Variants in RASAL3 observed in about 807,000 individuals in gnomAD.
The protein encoded by RASAL3 is RAS protein activator like-3.
Under a neutral mutation model 105.5 loss-of-function variants are expected in RASAL3, and 74 were observed. The observed-to-expected ratio is 0.70, with a 90% CI of 0.58 to 0.85. The LOEUF (loss-of-function observed/expected upper bound fraction) is 0.85. Among genes scored for constraint, RASAL3 ranks in the 40% least tolerant of loss-of-function variants. The pLI, the probability that RASAL3 is intolerant of heterozygous loss-of-function variation, is 0.00. For missense variants in RASAL3, 1,352 were observed against 1,392.0 expected (o/e 0.97, Z 0.46); for synonymous variants, 579 against 591.6 (o/e 0.98, Z 0.31).
In RASAL3 at chr19:15,460,185, C is replaced by G. The variant is rs1335219934; in HGVS notation, c.662+18G>C. ...CAGTGTTGAACCCCAGCCCCTCCAGCCTCTCATACACCCTTACCCATCCCG... is the reference window on the plus strand; with the variant it reads ...CAGTGTTGAACCCCAGCCCCTCCAGGCTCTCATACACCCTTACCCATCCCG... On this transcript the variant is annotated intron_variant, in intron 6 of 17. Transcript: ENST00000343625. The G allele has an allele frequency of 3.1e-6, 5 of 1,598,264 alleles. No individual in the cohort carries two copies. In the East Asian group the frequency reaches 9.0e-5, roughly 29 times the overall value.
In RASAL3 at chr19:15,453,848, C is replaced by T. The variant is rs1034813494; in HGVS notation, c.2279+301G>A. Among the ~76,000 whole-genome samples the T allele has an allele frequency of 3.9e-5, 6 of 151,986 alleles. No homozygotes were observed. Among genetic ancestry groups the T allele is most frequent in the Admixed American group, 6.6e-5 (1 of 15,256 alleles). ...CTGGCCTCAAGTGATCCTCCTGCCTCAGCCTCCCAAAGTGCTGGGATTACA... is the reference window on the plus strand; with the variant it reads ...CTGGCCTCAAGTGATCCTCCTGCCTTAGCCTCCCAAAGTGCTGGGATTACA... On this transcript the variant is annotated intron_variant, in intron 14 of 17. Transcript: ENST00000343625. This position sits in a 1 kb window ranked among gnomAD's most constrained non-coding sequence, Gnocchi z 4.2.
chr19:15,461,484 C>G lies in RASAL3; in HGVS notation c.452G>C (p.Gly151Ala). ...GCCCCCTCTCACCTCCTCCTCTCCT[C>G]CAAGCAGCACCAGCTTCCCATCAAG... ...TLLDGKLVLL[G>A]GEEEGPRRPR... is the part of the protein sequence containing the mutation. Residue 151 changes from glycine (G) to alanine (A), a missense_variant, in exon 3 of 18, where the codon GGA becomes GCA. Around this residue, in one of 3 missense-constraint regions of RASAL3, gnomAD observed 344 missense variants for 339.6 expected, o/e 1.01. Coordinates refer to ENST00000343625, the MANE Select transcript of RASAL3 (RefSeq NM_022904.3). 6.5e-7 allele frequency: 1 copy of G among 1,547,868 alleles called. No homozygotes were observed. The highest frequency in any genetic ancestry group is 8.7e-7 in the Non-Finnish European group (1 of 1,145,980).
Position 15,453,614 on chromosome 19 carries a change from G to A in RASAL3, c.2280-117C>T. On this transcript the variant is annotated intron_variant, in intron 14 of 17. Coordinates refer to ENST00000343625, the MANE Select transcript of RASAL3 (RefSeq NM_022904.3). The surrounding 1 kb of genome is among the most constrained non-coding windows in gnomAD (Gnocchi z 4.2). ...AACTTGTCCTTTCTTTTTTTTTTTT[G>A]AGACAAGGTCTTGCTCTGTCGCCCA... is the stretch of plus-strand genomic sequence containing the variant. 1 of 967,582 alleles carries A rather than the reference G, an allele frequency of 1.0e-6. No homozygotes were observed. Among genetic ancestry groups the A allele is most frequent in the Non-Finnish European group, 1.4e-6 (1 of 700,588 alleles). 59.9% of individuals were successfully genotyped at this position (967,582 alleles called of 1,614,324 possible).
intron 6 of RASAL3, among the ~76,000 whole-genome samples, chr19:15,459,239 C>T (rs868359878): frequency 1.4e-5 from 2 of 144,646 alleles, no homozygotes; most frequent in Middle Eastern, 7.2e-3. Context: ...GTGCCCAGCC[C>T]TATTTATTTA....
rs553493446 is a variant in RASAL3, at chr19:15,460,304, C to G, written c.607-46G>C. 4.5e-6 allele frequency: 7 copies of G among 1,560,386 alleles called. No individual in the cohort carries two copies. The African/African-American group carries it at 9.5e-5, about 21-fold the overall frequency. ...GCTGGACAGAAATCTGTGCTCCTTC[C>G]TCAGCTCCTTCCCTCCCAAGACATC... On this transcript the variant is annotated intron_variant, in intron 5 of 17. Coordinates refer to ENST00000343625, the MANE Select transcript of RASAL3 (RefSeq NM_022904.3).
Position 15,452,831 on chromosome 19 carries a change from A to G in RASAL3, c.2671-16T>C. The G allele has an allele frequency of 1.3e-6, 2 of 1,530,176 alleles. No individual in the cohort carries two copies. The highest frequency in any genetic ancestry group is 2.4e-5 in the South Asian group (2 of 82,302). 94.8% of individuals were successfully genotyped at this position (1,530,176 alleles called of 1,614,324 possible). The stretch of plus-strand genomic sequence containing the variant: ...GCTCTGCCAACTGTGGTGGGAGAGC[A>G]GCTGTAATCTGACCCGTTGTCCCGC... On this transcript the variant is annotated splice_polypyrimidine_tract_variant and intron_variant, in intron 15 of 17. Transcript: ENST00000343625.
rs775451877 is a variant in RASAL3, at chr19:15,451,857, G to C, written c.2974C>G (p.Arg992Gly). 32 of 1,608,772 alleles carry C rather than the reference G, an allele frequency of 2.0e-5. No individual in the cohort carries two copies. The highest frequency in any genetic ancestry group is 2.6e-5 in the Non-Finnish European group (30 of 1,175,934). ...GGCTGGGGTTGACTCCAAGACCCCC[G>C]CGTCCTTGGAGAAAGCTGCAGGCTC... The part of the protein sequence containing the change: ...VQSLQLSPRT[R>G]GSWSQPQPLK... The change falls in exon 18 of 18, where the codon CGG becomes GGG. Residue 992 changes from arginine (R) to glycine (G), a missense_variant. Transcript: ENST00000343625.
At position 15,457,091 on chromosome 19, in the gene RASAL3, T is replaced by C. The variant is rs778994100; in HGVS notation, c.1431+201A>G. Among the ~76,000 whole-genome samples, 2 of 148,282 alleles carry C rather than the reference T, an allele frequency of 1.3e-5. No homozygotes were observed. The highest frequency in any genetic ancestry group is 3.0e-5 in the Non-Finnish European group (2 of 66,902). Reference sequence around the variant, plus strand: ...GGTGCCCCGCCCCTTACGGGTGATGTTCAGGCCCCGCCCTTCTAGGTGCCC... The same window carrying C: ...GGTGCCCCGCCCCTTACGGGTGATGCTCAGGCCCCGCCCTTCTAGGTGCCC... On this transcript the variant is annotated intron_variant, in intron 9 of 17. Transcript: ENST00000343625. This position sits in a 1 kb window ranked among gnomAD's most constrained non-coding sequence, Gnocchi z 8.6.
chr19:15,460,210 G>C lies in RASAL3; in HGVS notation c.655C>G (p.Arg219Gly). The change falls in exon 6 of 18, where the codon CGG becomes GGG. Residue 219 changes from arginine (R) to glycine (G), a missense_variant. By Grantham distance (125) the Arg-to-Gly change is moderately radical (BLOSUM62 -2). Coordinates refer to ENST00000343625, the MANE Select transcript of RASAL3 (RefSeq NM_022904.3). ...CCTCTCATACACCCTTACCCATCCCGGGGCTCCAACCTGGCCTTTTTCTTC... is the reference window on the plus strand; with the variant it reads ...CCTCTCATACACCCTTACCCATCCCCGGGCTCCAACCTGGCCTTTTTCTTC... The part of the protein sequence containing the change: ...KEKKKARLEP[R>G]DGPPSALGSR... 6.2e-7 allele frequency: 1 copy of C among 1,607,490 alleles called. No individual in the cohort carries two copies. The highest frequency in any genetic ancestry group is 8.5e-7 in the Non-Finnish European group (1 of 1,177,106).
rs752813494 is a variant in RASAL3, at chr19:15,460,271, G to A, written c.607-13C>T. ...TCTTGAGCAACCCCTGTGGGGAAGG[G>A]AATGTCAGCTGGACAGAAATCTGTG... On this transcript the variant is annotated splice_polypyrimidine_tract_variant and intron_variant, in intron 5 of 17. Transcript: ENST00000343625. 5.0e-6 allele frequency: 8 copies of A among 1,602,838 alleles called. No homozygotes were observed. The highest frequency in any genetic ancestry group is 2.7e-5 in the African/African-American group (2 of 74,848).
In RASAL3 at chr19:15,456,027, C is replaced by T; in HGVS notation, c.1721+77G>A. The T allele has an allele frequency of 6.6e-7, 1 of 1,506,142 alleles. No homozygotes were observed. Among genetic ancestry groups the T allele is most frequent in the South Asian group, 1.2e-5 (1 of 82,192 alleles). The allele number at this position is 1,506,142 out of a possible 1,614,324, so 93.3% of individuals were successfully genotyped here. A position where few individuals can be genotyped will look rare whatever the true frequency, so the allele number is the denominator to read the frequency against. Reference sequence around the variant, plus strand: ...TAACTGAGTGTCTCCTGTATTTTATCTGGCCACCCTAAACTGGAGGTCGGG... The same window carrying T: ...TAACTGAGTGTCTCCTGTATTTTATTTGGCCACCCTAAACTGGAGGTCGGG... On this transcript the variant is annotated intron_variant, in intron 11 of 17. Coordinates refer to ENST00000343625, the MANE Select transcript of RASAL3 (RefSeq NM_022904.3). The surrounding 1 kb of genome is among the most constrained non-coding windows in gnomAD (Gnocchi z 4.4).
chr19:15,457,482 G>C lies in RASAL3; in HGVS notation c.1241C>G (p.Ala414Gly). 1 of 1,240,084 alleles carries C rather than the reference G, an allele frequency of 8.1e-7. No individual in the cohort carries two copies. The highest frequency in any genetic ancestry group is 1.0e-6 in the Non-Finnish European group (1 of 983,506). 76.8% of individuals were successfully genotyped at this position (1,240,084 alleles called of 1,614,324 possible). Residue 414 changes from alanine (A) to glycine (G), a missense_variant, in exon 9 of 18, where the codon GCG becomes GGG. Ala to Gly is a moderately conservative substitution (Grantham distance 60). This residue lies in a region of RASAL3 where 920 missense variants were observed against 919.6 expected (regional missense o/e 1.00). Transcript: ENST00000343625. This position sits in a 1 kb window ranked among gnomAD's most constrained non-coding sequence, Gnocchi z 8.6. ...ACGCGCCCGAATCCGCGCCCGCAGCGCTGCGCCCGCCGGCGCCCCGAGCAG... is the reference window on the plus strand; with the variant it reads ...ACGCGCCCGAATCCGCGCCCGCAGCCCTGCGCCCGCCGGCGCCCCGAGCAG... ...FPLLGAPAGA[A>G]LRARIRARRL... is the part of the protein sequence containing the mutation.
Position 15,454,346 on chromosome 19 carries a change from G to C in RASAL3, c.2160+15C>G. The C allele has an allele frequency of 6.2e-7, 1 of 1,601,278 alleles. No homozygotes were observed. ...CCAAGCCTTCTTGCCTCCCTACTCT[G>C]GGTTCAGGCCATACCTGGTCAAGCT... On this transcript the variant is annotated intron_variant, in intron 13 of 17. Transcript: ENST00000343625.
chr19:15,459,691 C>T (rs1228064359), intron 6 of RASAL3, among the ~76,000 whole-genome samples: 2 of 152,110 alleles, frequency 1.3e-5, no homozygotes, highest in Non-Finnish European at 2.9e-5. Flanking sequence ...TGCCCGCCAC[C>T]ATGCCTAGCT....
chr19:15,459,533 C>T (rs1388876727), intron 6 of RASAL3, among the ~76,000 whole-genome samples: 1 of 151,764 alleles, frequency 6.6e-6, no homozygotes, highest in Non-Finnish European at 1.5e-5. Flanking sequence ...TGTGAGCCAC[C>T]GCACCCAGCC....
In RASAL3 at chr19:15,454,164, G is replaced by GC. The variant is rs1317416627; in HGVS notation, c.2263dup (p.Ala755GlyfsTer149). 1 of 1,563,282 alleles carries GC rather than the reference G, an allele frequency of 6.4e-7. No individual in the cohort carries two copies. The highest frequency in any genetic ancestry group is 8.7e-7 in the Non-Finnish European group (1 of 1,153,448). On this transcript the variant is annotated frameshift_variant, in exon 14 of 18. Coordinates refer to ENST00000343625, the MANE Select transcript of RASAL3 (RefSeq NM_022904.3). LOFTEE classifies it high-confidence loss of function. ...TTGAGGTTACCTGGAGTGGACCTGG[G>GC]CCGGGGGCAGTGGGAGACGCATTGG...
At chr19:15,462,004 G>GTTTTTTT (rs199527396) in intron 2 of RASAL3, among the ~76,000 whole-genome samples, 5 of 151,242 alleles carry the variant, frequency 3.3e-5, no homozygotes, top group Non-Finnish European at 1.5e-5. Context: ...TTGTTTTTTT[G>GTTTTTTT]TTTTTTTTGC....
chr19:15,451,786 A>T lies in RASAL3; in HGVS notation c.*9T>A. 6.3e-7 allele frequency: 1 copy of T among 1,584,620 alleles called. No individual in the cohort carries two copies. Among genetic ancestry groups the T allele is most frequent in the Non-Finnish European group, 8.6e-7 (1 of 1,158,952 alleles). ...CCCAGACCACGTGTGATGAGGCAGG[A>T]TGGGCAGCTCAGGTGGTGTCTCCAT... is the stretch of plus-strand genomic sequence containing the variant. On this transcript the variant is annotated 3_prime_UTR_variant, in exon 18 of 18. Coordinates refer to ENST00000343625, the MANE Select transcript of RASAL3 (RefSeq NM_022904.3).
In RASAL3 at chr19:15,464,014, G is replaced by A. The variant is rs1702154977; in HGVS notation, c.328+17C>T. 2.6e-6 allele frequency: 4 copies of A among 1,532,336 alleles called. No homozygotes were observed. The highest frequency in any genetic ancestry group is 2.1e-5 in the Admixed American group (1 of 48,008). The allele number at this position is 1,532,336 out of a possible 1,614,324, so 94.9% of individuals were successfully genotyped here. Reference sequence around the variant, plus strand: ...CTTCCCAGCCCGGCCCAAGCTCAGGGTGGGGGAACCATGTACCTGGGGCCT... The same window carrying A: ...CTTCCCAGCCCGGCCCAAGCTCAGGATGGGGGAACCATGTACCTGGGGCCT... On this transcript the variant is annotated intron_variant, in intron 2 of 17. Transcript: ENST00000343625.
Sources: allele counts gnomAD v4.1 joint callset (sites outside exome capture counted in the v4.1 genomes callset), GRCh38; gene constraint gnomAD v4.1.1; regional missense constraint gnomAD v4.1.1; non-coding constraint Gnocchi (gnomAD v3.1); transcripts MANE v1.5; gene names NCBI Gene and HGNC (gene_info 2026-07-23, HGNC 2026-07-21).